The following RPS21 variants were observed in gnomAD, a reference collection of about 807,000 sequenced individuals.
The protein encoded by RPS21 is ribosomal protein S21.
RPS21 carries 6 observed loss-of-function variants against 14.5 expected under a neutral mutation model. That is an observed-to-expected ratio of 0.41 (90% CI 0.23 to 0.82). The LOEUF (loss-of-function observed/expected upper bound fraction) is 0.82, where lower values mean the gene tolerates loss of function less well. RPS21 is among the 40% of genes least tolerant of loss of function. RPS21 has a pLI of 0.31. For missense variants in RPS21, 85 were observed against 115.0 expected (o/e 0.74, Z 1.19); for synonymous variants, 61 against 42.6 (o/e 1.43, Z -1.69).
Position 62,387,512 on chromosome 20 carries a change from A to G in RPS21, c.51-99A>G. ...ACGTCCCTAACTTGTCCTGCCCCCG[A>G]CGTTACTCTTTTCCATTCATATACC... On this transcript the variant is annotated intron_variant, in intron 2 of 5. Transcript: ENST00000343986. 1.9e-6 allele frequency: 3 copies of G among 1,585,202 alleles called. No homozygotes were observed. In the South Asian group the frequency reaches 3.4e-5, roughly 18 times the overall value.
Position 62,388,368 on chromosome 20 carries a change from A to C in RPS21, c.242+4A>C, listed in dbSNP as rs1180641619. The stretch of plus-strand genomic sequence containing the variant: ...AGGCCGATGGCATCGTCTCAAAGTA[A>C]GGTTGGGGGCTCACATTTGGGCAGA... On this transcript the variant is annotated splice_donor_region_variant and intron_variant, in intron 5 of 5. Transcript: ENST00000343986. The C allele has an allele frequency of 1.9e-6, 3 of 1,606,390 alleles. No individual in the cohort carries two copies. In the Admixed American group the frequency reaches 5.2e-5, roughly 28 times the overall value.
At chr20:62,387,508 C>G (rs187498843) in intron 2 of RPS21, 103 bp from the exon 3 acceptor site, 2 of 1,586,782 alleles carry the variant, frequency 1.3e-6, no homozygotes, top group Non-Finnish European at 1.7e-6. Flanking sequence ...TTGTCCTGCC[C>G]CCGACGTTAC....
intron 2 of RPS21, 48 bp from the exon 3 acceptor site, chr20:62,387,563 A>T: frequency 6.3e-7 from 1 of 1,595,342 alleles, no homozygotes; most frequent in African/African-American, 1.3e-5. Context: ...CCCCTCTTTC[A>T]TTCTTACCGC....
chr20:62,387,906 C>T lies in RPS21; in HGVS notation c.178C>T (p.Arg60Cys). Residue 60 changes from arginine (R) to cysteine (C), a missense_variant, in exon 4 of 6, where the codon CGT (arginine) becomes TGT (cysteine). Coordinates refer to ENST00000343986, the MANE Select transcript of RPS21 (RefSeq NM_001024.4). ...AACTTATGCTATCTGCGGGGCCATT[C>T]GTAGGATGGTGAGTGTTTCCCTGGG... ...FKTYAICGAI[R>C]RMGESDDSIL... 6.2e-7 allele frequency: 1 copy of T among 1,614,208 alleles called. No homozygotes were observed. Among genetic ancestry groups the T allele is most frequent in the Non-Finnish European group, 8.5e-7 (1 of 1,180,042 alleles).
intron 3 of RPS21, 31 bp from the exon 4 acceptor site, chr20:62,387,812 G>T: frequency 6.2e-7 from 1 of 1,613,930 alleles, no homozygotes; most frequent in Non-Finnish European, 8.5e-7. Flanking sequence ...AAACCTGGGG[G>T]AGTGGTTTGT....
Position 62,387,470 on chromosome 20 carries a change from C to A in RPS21, c.50+82C>A, listed in dbSNP as rs952450921. On this transcript the variant is annotated intron_variant, in intron 2 of 5. Coordinates refer to ENST00000343986, the MANE Select transcript of RPS21 (RefSeq NM_001024.4). The stretch of plus-strand genomic sequence containing the variant: ...CCTGCCCTTGTTCCCCCACACCCCT[C>A]CCGTCCTTACCTCGTCACGTCCCTA... 1.7e-5 allele frequency: 27 copies of A among 1,590,086 alleles called. No homozygotes were observed. The African/African-American group carries it at 3.5e-4, about 21-fold the overall frequency.
At position 62,387,891 on chromosome 20, in the gene RPS21, A is replaced by G. The variant is rs760323970; in HGVS notation, c.163A>G (p.Ile55Val). Residue 55 changes from isoleucine to valine, a missense_variant, in exon 4 of 6, where the codon ATC (isoleucine) becomes GTC (valine). Transcript: ENST00000343986. ...RFNGQFKTYA[I>V]CGAIRRMGES... ...TAATGGCCAGTTTAAAACTTATGCT[A>G]TCTGCGGGGCCATTCGTAGGATGGT... 6.8e-6 allele frequency: 11 copies of G among 1,614,178 alleles called. No homozygotes were observed. The highest frequency in any genetic ancestry group is 2.2e-5 in the South Asian group (2 of 91,086).
rs1371027774 is a variant in RPS21, at chr20:62,387,110, C to T, written c.-45C>T. The T allele has an allele frequency of 4.5e-5, 21 of 470,486 alleles. No homozygotes were observed. The highest frequency in any genetic ancestry group is 4.0e-4 in the East Asian group (11 of 27,608). 29.1% of individuals were successfully genotyped at this position (470,486 alleles called of 1,614,324 possible). On this transcript the variant is annotated 5_prime_UTR_variant, in exon 1 of 6. Coordinates refer to ENST00000343986, the MANE Select transcript of RPS21 (RefSeq NM_001024.4). The stretch of plus-strand genomic sequence containing the variant: ...CCGGGTGACTAGCTGCTTCCTTTCT[C>T]TCTCGCGCGCGGTGTGGTGGCAGCA...
intron 2 of RPS21, 92 bp downstream of exon 2, chr20:62,387,480 C>G: frequency 6.3e-7 from 1 of 1,588,208 alleles, no homozygotes; most frequent in Non-Finnish European, 8.6e-7. Context: ...CCCGTCCTTA[C>G]CTCGTCACGT....
chr20:62,387,559 T>A, intron 2 of RPS21, 52 bp from the exon 3 acceptor site: 1 of 1,595,242 alleles, frequency 6.3e-7, no homozygotes, highest in Non-Finnish European at 8.6e-7. Flanking sequence ...TCGTCCCCTC[T>A]TTCATTCTTA....
At chr20:62,388,237 A>T in intron 4 of RPS21, 72 bp from the exon 5 acceptor site, 1 of 1,521,708 alleles carries the variant, frequency 6.6e-7, no homozygotes. Flanking sequence ...GGCTGGTGGC[A>T]CAGCTGACCT....
intron 1 of RPS21, 49 bp from the exon 2 acceptor site, chr20:62,387,272 C>T: frequency 6.9e-7 from 1 of 1,445,608 alleles, no homozygotes; most frequent in Non-Finnish European, 9.4e-7. Flanking sequence ...CGCCGGGAGC[C>T]GGGGCACGGT....
intron 2 of RPS21, 39 bp downstream of exon 2, chr20:62,387,427 AACC>A (rs749206790): frequency 3.7e-6 from 6 of 1,605,444 alleles, no homozygotes; most frequent in East Asian, 2.2e-5. Context: ...GTCCTTACCT[AACC>A]ACCACGTCCC....
intron 3 of RPS21, 58 bp downstream of exon 3, chr20:62,387,732 T>C (rs762803188): frequency 6.2e-7 from 1 of 1,614,120 alleles, no homozygotes; most frequent in Non-Finnish European, 8.5e-7. Flanking sequence ...AAAGGCAGGC[T>C]GTCCCATTGT....
chr20:62,387,623 T>C lies in RPS21; in HGVS notation c.63T>C (p.Asn21=), dbSNP rs1165848760. ...CCTTTCTCCACAGCTCCGCTAGCAA[T>C]CGCATCATCGGTGCCAAGGACCACG... The part of the protein sequence containing the change: ...LYVPRKCSAS[N]RIIGAKDHAS... Residue 21 remains asparagine (N), a synonymous_variant, in exon 3 of 6, where the codon AAT becomes AAC. Transcript: ENST00000343986. 3 of 1,612,940 alleles carry C rather than the reference T, an allele frequency of 1.9e-6. No homozygotes were observed. Among genetic ancestry groups the C allele is most frequent in the Admixed American group, 1.7e-5 (1 of 59,980 alleles).
chr20:62,387,490 T>C (rs1987775201), intron 2 of RPS21, 102 bp downstream of exon 2: 2 of 1,586,258 alleles, frequency 1.3e-6, no homozygotes, highest in Non-Finnish European at 1.7e-6. Flanking sequence ...CCTCGTCACG[T>C]CCCTAACTTG....
rs1446028055 is a variant in RPS21 at position 62,388,512 on chromosome 20, G to T, written c.*46G>T. The T allele has an allele frequency of 1.9e-6, 3 of 1,600,882 alleles. No individual in the cohort carries two copies. The highest frequency in any genetic ancestry group is 3.3e-5 in the Admixed American group (2 of 59,950). On this transcript the variant is annotated 3_prime_UTR_variant, in exon 6 of 6. Transcript: ENST00000343986. ...GGAATATTTGTCATAAATAAATAAT[G>T]AAAACCTACCTGTGCAGGTTCATTC... is the stretch of plus-strand genomic sequence containing the variant.
intron 3 of RPS21, 42 bp from the exon 4 acceptor site, chr20:62,387,801 C>T (rs1987792251): frequency 6.2e-7 from 1 of 1,613,618 alleles, no homozygotes; most frequent in African/African-American, 1.3e-5. Context: ...TGGTGTTTCC[C>T]AAACCTGGGG....
chr20:62,388,389 G>A (rs1316481169), intron 5 of RPS21, 25 bp downstream of exon 5: 1 of 1,609,980 alleles, frequency 6.2e-7, no homozygotes, highest in Non-Finnish European at 8.5e-7. Flanking sequence ...TCACATTTGG[G>A]CAGAGTGAGT....
Sources: gnomAD v4.1 joint callset for allele counts on GRCh38, gnomAD v4.1.1 for gene constraint, MANE v1.5 for transcripts, NCBI Gene and HGNC (gene_info 2026-07-23, HGNC 2026-07-21) for gene names.